ZFHX3: variants seen among roughly 807,000 people sequenced by gnomAD.
ZFHX3 encodes the protein zinc finger homeobox protein 3.
ZFHX3 carries 42 observed loss-of-function variants against 279.1 expected under a neutral mutation model. The ratio of observed to expected loss-of-function variants is 0.15; its 90% CI spans 0.12 to 0.19. The LOEUF is 0.19. ZFHX3 is among the 10% of genes least tolerant of loss of function. The pLI is 1.00. For missense variants in ZFHX3, 4,981 were observed against 4,754.0 expected, an observed-to-expected ratio of 1.05 and a Z score of -1.40; for synonymous variants, 2,293 against 1,957.8, an observed-to-expected ratio of 1.17 and a Z score of -4.52.
intron 1 of ZFHX3, among the ~76,000 whole-genome samples, chr16:72,994,869 C>G (rs1963224471): frequency 6.6e-6 from 1 of 152,222 alleles, no homozygotes; most frequent in Non-Finnish European, 1.5e-5. Flanking sequence ...ATGCACATCT[C>G]TTCAAGAGCT....
intron 1 of ZFHX3, among the ~76,000 whole-genome samples, chr16:73,869,810 T>C (rs1290443032): frequency 6.6e-6 from 1 of 152,234 alleles, no homozygotes; most frequent in Non-Finnish European, 1.5e-5. Context: ...CCGGGCTTCC[T>C]GTTTATTTAG....
chr16:72,969,452 C>T (rs112146417), intron 1 of ZFHX3, among the ~76,000 whole-genome samples: 6 of 152,058 alleles, frequency 3.9e-5, no homozygotes, highest in African/African-American at 7.2e-5. Flanking sequence ...AGGGAACTTT[C>T]GCAAAGTTCC....
chr16:73,275,519 C>T (rs2014272518), intron 4 of ZFHX3, among the ~76,000 whole-genome samples: 1 of 152,122 alleles, frequency 6.6e-6, no homozygotes, highest in Non-Finnish European at 1.5e-5. Flanking sequence ...AATCCCCATG[C>T]ATAATCAAGA....
Position 72,787,267 on chromosome 16 carries a change from T to C in ZFHX3, c.11009A>G (p.Gln3670Arg). 6.2e-7 allele frequency: 1 copy of C among 1,614,132 alleles called. No individual in the cohort carries two copies. Among genetic ancestry groups the C allele is most frequent in the Non-Finnish European group, 8.5e-7 (1 of 1,180,022 alleles). Residue 3670 changes from glutamine to arginine, a missense_variant, in exon 10 of 10, where the codon CAA becomes CGA. Gln to Arg is a conservative substitution (Grantham distance 43). Transcript: ENST00000268489. The part of the protein sequence containing the change: ...YSEESDTDLS[Q>R]KSDGPASPVE... Reference sequence around the variant, plus strand: ...CGGGCTCGCCGGTCCGTCGGACTTTTGGCTGAGATCCGTGTCAGACTCCTC... The same window carrying C: ...CGGGCTCGCCGGTCCGTCGGACTTTCGGCTGAGATCCGTGTCAGACTCCTC...
intron 1 of ZFHX3, among the ~76,000 whole-genome samples, chr16:73,704,314 T>G (rs1221723944): frequency 6.6e-6 from 1 of 152,150 alleles, no homozygotes; most frequent in Non-Finnish European, 1.5e-5. Flanking sequence ...GAACGAACCA[T>G]CATTTGTTCA....
chr16:73,002,536 C>A (rs920460152), intron 1 of ZFHX3, among the ~76,000 whole-genome samples: 2 of 152,142 alleles, frequency 1.3e-5, no homozygotes, highest in Non-Finnish European at 2.9e-5. Context: ...AGAAAGACAG[C>A]ACACACATTT....
chr16:73,813,594 C>T (rs891245818), intron 1 of ZFHX3, among the ~76,000 whole-genome samples: 1 of 152,188 alleles, frequency 6.6e-6, no homozygotes, highest in Admixed American at 6.5e-5. Flanking sequence ...GACATTTTCC[C>T]ACTCGTAGTA....
At chr16:73,759,878 AG>A (rs1394922855) in intron 1 of ZFHX3, among the ~76,000 whole-genome samples, 20 of 62,542 alleles carry the variant, frequency 3.2e-4, no homozygotes, top group Admixed American at 1.4e-3. Flanking sequence ...TTGGTCTTAC[AG>A]GAAAAAAAAA....
At chr16:73,851,607 A>G (rs1244283476) in intron 1 of ZFHX3, among the ~76,000 whole-genome samples, 2 of 152,244 alleles carry the variant, frequency 1.3e-5, no homozygotes, top group Non-Finnish European at 2.9e-5. Context: ...TAAAATCTTC[A>G]AAGTGTAGCA....
chr16:73,391,855 G>A (rs568393776), intron 3 of ZFHX3, among the ~76,000 whole-genome samples: 25 of 152,182 alleles, frequency 1.6e-4, no homozygotes, highest in Admixed American at 1.2e-3. Flanking sequence ...CACACAACCG[G>A]GGAAGACTTC....
intron 2 of ZFHX3, among the ~76,000 whole-genome samples, chr16:73,526,579 T>C (rs2076260831): frequency 6.6e-6 from 1 of 152,260 alleles, no homozygotes; most frequent in Admixed American, 6.5e-5. Flanking sequence ...TGTCTTTGTC[T>C]CACCCTTTCT....
chr16:73,682,650 G>T (rs142620720), intron 1 of ZFHX3, among the ~76,000 whole-genome samples: 2,081 of 151,826 alleles, frequency 0.014, 49 homozygotes, highest in African/African-American at 0.046. Context: ...AGCCGGTCAT[G>T]GTGGCATGCA....
chr16:73,436,384 T>C (rs1004950717), intron 3 of ZFHX3, among the ~76,000 whole-genome samples: 1 of 151,916 alleles, frequency 6.6e-6, no homozygotes, highest in Non-Finnish European at 1.5e-5. Context: ...ACAATCATGG[T>C]GGAAGGTAAA....
chr16:73,179,118 C>A (rs1967732473), intron 5 of ZFHX3, among the ~76,000 whole-genome samples: 1 of 152,198 alleles, frequency 6.6e-6, no homozygotes, highest in Non-Finnish European at 1.5e-5. Flanking sequence ...CTAATATATT[C>A]TCACCAAATT....
At chr16:72,928,862 T>A (rs1244977672) in intron 3 of ZFHX3, among the ~76,000 whole-genome samples, 2 of 152,112 alleles carry the variant, frequency 1.3e-5, no homozygotes, top group Non-Finnish European at 2.9e-5. Flanking sequence ...CTCAGGAGGC[T>A]GAGGCAGGAG....
chr16:73,117,332 C>T (rs1025824014), intron 7 of ZFHX3, among the ~76,000 whole-genome samples: 6 of 152,158 alleles, frequency 3.9e-5, no homozygotes, highest in African/African-American at 1.4e-4. Flanking sequence ...TACATAAATA[C>T]ATACCAATAT....
At chr16:73,575,505 A>G (rs1245378425) in intron 2 of ZFHX3, among the ~76,000 whole-genome samples, 1 of 152,220 alleles carries the variant, frequency 6.6e-6, no homozygotes, top group Admixed American at 6.5e-5. Context: ...AGTTTGGTAA[A>G]TTTGCAGGTG....
At chr16:73,513,188 G>A (rs1457102545) in intron 2 of ZFHX3, among the ~76,000 whole-genome samples, 2 of 152,184 alleles carry the variant, frequency 1.3e-5, no homozygotes, top group Admixed American at 1.3e-4. Flanking sequence ...TCTTTGAAAA[G>A]GAGTCCCTGG....
chr16:73,622,881 C>T (rs1164366249), intron 2 of ZFHX3, among the ~76,000 whole-genome samples: 1 of 152,284 alleles, frequency 6.6e-6, no homozygotes, highest in East Asian at 1.9e-4. Flanking sequence ...CTTGTCTTGT[C>T]GCTACCTAGC....
Sources: gnomAD v4.1 joint callset for allele counts (sites outside exome capture counted in the v4.1 genomes callset) on GRCh38, gnomAD v4.1.1 for gene constraint, MANE v1.5 for transcripts, NCBI Gene and HGNC (gene_info 2026-07-23, HGNC 2026-07-21) for gene names.